CCDC158: variants seen among roughly 807,000 people sequenced by gnomAD.
CCDC158 encodes the protein coiled-coil domain containing 158, also known as coiled-coil domain-containing protein 158.
In CCDC158, 116 loss-of-function variants were observed where a neutral mutation model predicts 138.6. That is an observed-to-expected ratio of 0.84 (90% confidence interval 0.72 to 0.98). The LOEUF (loss-of-function observed/expected upper bound fraction) is 0.98. CCDC158 is among the 50% of genes least tolerant of loss of function. CCDC158 has a pLI of 0.00. For missense variants in CCDC158, 1,265 were observed against 1,306.1 expected (o/e 0.97, Z 0.48); for synonymous variants, 436 against 442.4 (o/e 0.99, Z 0.18).
intron 22 of CCDC158, 70 bp from the exon 23 acceptor site, chr4:76,326,085 A>C (rs1028526874): frequency 1.7e-5 from 21 of 1,261,386 alleles, no homozygotes; most frequent in Non-Finnish European, 2.3e-5. Context: ...CCTCTCAAAA[A>C]GTCAAGCTTT....
In CCDC158 at chr4:76,345,240, C is replaced by A. The variant is rs1408683763; in HGVS notation, c.2664+5756G>T. On this transcript the variant is annotated intron_variant, in intron 18 of 24. Transcript: ENST00000682701. ...GGGTCAAGTTTCATCAGATGAAGATCTGAAGCTAACAGAGCTCCAACGATA... is the reference window on the plus strand; with the variant it reads ...GGGTCAAGTTTCATCAGATGAAGATATGAAGCTAACAGAGCTCCAACGATA... 3 of 934,790 alleles carry A rather than the reference C, an allele frequency of 3.2e-6. No homozygotes were observed. The African/African-American group carries it at 4.8e-5, about 15-fold the overall frequency. The allele number at this position is 934,790 out of a possible 1,614,324, so 57.9% of individuals were successfully genotyped here.
At position 76,362,208 on chromosome 4, in the gene CCDC158, A is replaced by T; in HGVS notation, c.1938T>A (p.Arg646=). The change falls in exon 13 of 25, where the codon CGT becomes CGA. Residue 646 remains arginine, a synonymous_variant. Transcript: ENST00000682701. Reference sequence around the variant, plus strand: ...TCTCTTGTTTGATGTCCTTCACTGCACGGAGCCGCTCAGAGCCTGCATTCA... The same window carrying T: ...TCTCTTGTTTGATGTCCTTCACTGCTCGGAGCCGCTCAGAGCCTGCATTCA... ...KLVNAGSERL[R]AVKDIKQERD... is the part of the protein sequence containing the mutation. 6.2e-7 allele frequency: 1 copy of T among 1,614,136 alleles called. No individual in the cohort carries two copies. The highest frequency in any genetic ancestry group is 8.5e-7 in the Non-Finnish European group (1 of 1,180,000).
intron 3 of CCDC158, among the ~76,000 whole-genome samples, chr4:76,400,232 G>T (rs1456754397): frequency 1.3e-5 from 2 of 151,996 alleles, no homozygotes; most frequent in Non-Finnish European, 2.9e-5. Context: ...CCATAAAAAA[G>T]GATGAGTTCA....
At chr4:76,385,151 C>T (rs1046094365) in intron 4 of CCDC158, among the ~76,000 whole-genome samples, 2 of 152,224 alleles carry the variant, frequency 1.3e-5, no homozygotes, top group Admixed American at 6.5e-5. Context: ...GAGATGCTCC[C>T]GTACATAGTT....
chr4:76,351,155 G>T, intron 17 of CCDC158, 34 bp from the exon 18 acceptor site: 1 of 1,567,202 alleles, frequency 6.4e-7, no homozygotes, highest in South Asian at 1.2e-5. Context: ...CAAAATAACT[G>T]CCAGCCTACA....
chr4:76,364,338 C>G (rs559298672), intron 12 of CCDC158, among the ~76,000 whole-genome samples: 1 of 152,160 alleles, frequency 6.6e-6, no homozygotes, highest in East Asian at 1.9e-4. Context: ...GGTAAGGCTT[C>G]CTAGGAGGAC....
chr4:76,380,099 C>A (rs1320020567), intron 8 of CCDC158, among the ~76,000 whole-genome samples: 1 of 152,150 alleles, frequency 6.6e-6, no homozygotes, highest in Non-Finnish European at 1.5e-5. Context: ...TTGGATAGTT[C>A]TTTATAGTAG....
chr4:76,360,241 C>T (rs540143703), intron 13 of CCDC158, among the ~76,000 whole-genome samples: 1 of 152,298 alleles, frequency 6.6e-6, no homozygotes, highest in African/African-American at 2.4e-5. Context: ...TATGGAAATG[C>T]CTGGATGTCC....
intron 20 of CCDC158, 99 bp downstream of exon 20, chr4:76,332,333 G>T: frequency 1.1e-6 from 1 of 933,820 alleles, no homozygotes; most frequent in Non-Finnish European, 1.7e-6. Context: ...CCCATTAAGT[G>T]TCATGTAAAC....
intron 20 of CCDC158, 125 bp downstream of exon 20, chr4:76,332,307 C>G: frequency 1.4e-6 from 1 of 693,026 alleles, no homozygotes; most frequent in Admixed American, 3.2e-5. Flanking sequence ...GTCAGTTAAA[C>G]AACGAACCCA....
At chr4:76,351,264 C>T (rs1723011710) in intron 17 of CCDC158, 143 bp from the exon 18 acceptor site, 1 of 729,614 alleles carries the variant, frequency 1.4e-6, no homozygotes, top group Non-Finnish European at 2.1e-6. Context: ...AAGTACACTT[C>T]TTAAAATAGA....
In CCDC158 at chr4:76,351,704, T is replaced by G. The variant is rs758892404; in HGVS notation, c.2538+16A>C. On this transcript the variant is annotated intron_variant, in intron 17 of 24. Transcript: ENST00000682701. ...GGCATTATTTTCGCTTAAACTAATA[T>G]TTATGATGACCTTACTTTTATATCC... 13 of 1,542,070 alleles carry G rather than the reference T, an allele frequency of 8.4e-6. No individual in the cohort carries two copies. Among genetic ancestry groups the G allele is most frequent in the Non-Finnish European group, 1.1e-5 (12 of 1,116,544 alleles).
chr4:76,316,489 T>G (rs1301823766), intron 24 of CCDC158, among the ~76,000 whole-genome samples: 2 of 152,110 alleles, frequency 1.3e-5, no homozygotes, highest in African/African-American at 2.4e-5. Flanking sequence ...AAAGAATAAT[T>G]GGTGTTCATA....
intron 4 of CCDC158, among the ~76,000 whole-genome samples, chr4:76,387,887 C>T (rs1396261055): frequency 6.7e-6 from 1 of 149,930 alleles, no homozygotes; most frequent in Non-Finnish European, 1.5e-5. Flanking sequence ...GTGGCACATG[C>T]CTGTAGTCCC....
At chr4:76,341,422 G>A (rs190579484) in intron 18 of CCDC158, among the ~76,000 whole-genome samples, 5 of 152,222 alleles carry the variant, frequency 3.3e-5, no homozygotes, top group African/African-American at 7.2e-5. Context: ...TGGAATATAA[G>A]TATACCATTT....
intron 18 of CCDC158, among the ~76,000 whole-genome samples, chr4:76,336,437 C>T (rs1319458678): frequency 1.3e-5 from 2 of 152,116 alleles, no homozygotes; most frequent in African/African-American, 4.8e-5. Flanking sequence ...AATATCAAGG[C>T]TGGAGGCGTC....
chr4:76,333,533 A>G (rs1721190124), intron 19 of CCDC158, among the ~76,000 whole-genome samples: 1 of 152,228 alleles, frequency 6.6e-6, no homozygotes, highest in Non-Finnish European at 1.5e-5. Context: ...AAATCAAGTC[A>G]TTGGCATGAA....
chr4:76,352,194 A>G, intron 16 of CCDC158: 1 of 160,570 alleles, frequency 6.2e-6, no homozygotes, highest in South Asian at 1.8e-4. Flanking sequence ...CACGAGGTCA[A>G]GAGATGGAGA....
rs184967376 is a variant in CCDC158, at chr4:76,353,120, T to C, written c.2445+3A>G. ...TTACTTCATATGTTTAGTTAATAAT[T>C]ACCTTATCCAGAGCCACTTCCATAT... On this transcript the variant is annotated splice_donor_region_variant and intron_variant, in intron 16 of 24. Transcript: ENST00000682701. 12 of 1,604,122 alleles carry C rather than the reference T, an allele frequency of 7.5e-6. No individual in the cohort carries two copies. The East Asian group carries it at 2.2e-4, about 30-fold the overall frequency.
Sources: allele counts gnomAD v4.1 joint callset (sites outside exome capture counted in the v4.1 genomes callset), GRCh38; gene constraint gnomAD v4.1.1; transcripts MANE v1.5; gene names NCBI Gene and HGNC (gene_info 2026-07-23, HGNC 2026-07-21).